CAPSL: variants seen among roughly 807,000 people sequenced by gnomAD.
CAPSL encodes calcyphosin-like protein.
A neutral mutation model predicts 21.3 loss-of-function variants in CAPSL; 17 were observed. That is an observed-to-expected ratio of 0.80 (90% CI 0.55 to 1.20). CAPSL has a LOEUF of 1.20. Ranked by LOEUF, CAPSL falls within the 50% of genes most tolerant of loss-of-function variation. The pLI is 0.00. For synonymous variants in CAPSL, 102 were observed against 89.3 expected (o/e 1.14, Z -0.80); for missense variants, 289 against 259.3 (o/e 1.11, Z -0.79).
intron 4 of CAPSL, among the ~76,000 whole-genome samples, chr5:35,905,685 G>A (rs1031771676): frequency 1.3e-5 from 2 of 152,154 alleles, no homozygotes; most frequent in African/African-American, 4.8e-5. Context: ...GGATTCCTCA[G>A]CCTCTGCTTT....
chr5:35,905,831 G>T (rs1760662001), intron 4 of CAPSL, among the ~76,000 whole-genome samples: 1 of 152,168 alleles, frequency 6.6e-6, no homozygotes, highest in Non-Finnish European at 1.5e-5. Flanking sequence ...GGACAACCTG[G>T]GGTGTCTGTC....
At chr5:35,915,231 C>A (rs767841550) in intron 2 of CAPSL, among the ~76,000 whole-genome samples, 4 of 152,092 alleles carry the variant, frequency 2.6e-5, no homozygotes, top group African/African-American at 9.7e-5. Context: ...GCTTACCAAC[C>A]AAAAACAGTC....
At chr5:35,926,434 C>T (rs1738686154) in intron 1 of CAPSL, among the ~76,000 whole-genome samples, 1 of 151,508 alleles carries the variant, frequency 6.6e-6, no homozygotes, top group Admixed American at 6.6e-5. Flanking sequence ...ATTCCACTGT[C>T]CTCCCGGTGC....
At chr5:35,918,750 A>G (rs1418011556) in intron 2 of CAPSL, among the ~76,000 whole-genome samples, 1 of 152,158 alleles carries the variant, frequency 6.6e-6, no homozygotes, top group East Asian at 1.9e-4. Flanking sequence ...TATCAAAATA[A>G]TGAGAACTTT....
intron 2 of CAPSL, among the ~76,000 whole-genome samples, chr5:35,916,637 G>A (rs1738394442): frequency 6.6e-6 from 1 of 152,182 alleles, no homozygotes; most frequent in African/African-American, 2.4e-5. Flanking sequence ...TTAATAAATG[G>A]TGCTGGGAAA....
At chr5:35,908,002 T>C (rs1320109240) in intron 4 of CAPSL, among the ~76,000 whole-genome samples, 1 of 152,250 alleles carries the variant, frequency 6.6e-6, no homozygotes, top group Admixed American at 6.5e-5. Flanking sequence ...ATTATGTCTA[T>C]TAAATGAGAT....
At position 35,921,107 on chromosome 5, in the gene CAPSL, G is replaced by T. The variant is rs375106222; in HGVS notation, c.14C>A (p.Ala5Glu). The T allele has an allele frequency of 1.1e-5, 17 of 1,613,734 alleles. No homozygotes were observed. The highest frequency in any genetic ancestry group is 4.5e-5 in the East Asian group (2 of 44,850). Residue 5 changes from alanine (A) to glutamate (E), a missense_variant, in exon 2 of 5, where the codon GCG becomes GAG. Coordinates refer to ENST00000651391, the MANE Select transcript of CAPSL (RefSeq NM_001042625.2). MAGT[A>E]RHDREMAIQA... is the part of the protein sequence containing the mutation. The stretch of plus-strand genomic sequence containing the variant: ...GATCGCCATCTCTCGGTCATGGCGC[G>T]CTGTCCCTGCCATCTGAGGGGAAGC...
chr5:35,926,330 G>T (rs772110885), intron 1 of CAPSL, among the ~76,000 whole-genome samples: 1 of 152,188 alleles, frequency 6.6e-6, no homozygotes, highest in East Asian at 1.9e-4. Flanking sequence ...CCCTCCAGTG[G>T]CTGGCAGCAA....
intron 3 of CAPSL, 64 bp downstream of exon 3, chr5:35,910,302 G>T (rs1738180845): frequency 2.0e-6 from 3 of 1,538,384 alleles, no homozygotes; most frequent in Non-Finnish European, 2.7e-6. Context: ...AAACCTCAAG[G>T]TAGCCAACCC....
chr5:35,932,727 A>G (rs1738852507), intron 1 of CAPSL, among the ~76,000 whole-genome samples: 3 of 152,358 alleles, frequency 2.0e-5, no homozygotes, highest in Admixed American at 2.0e-4. Context: ...AACTATGTGG[A>G]GCATGAAGCT....
chr5:35,913,947 C>T (rs1483351913), intron 2 of CAPSL, among the ~76,000 whole-genome samples: 1 of 152,132 alleles, frequency 6.6e-6, no homozygotes, highest in African/African-American at 2.4e-5. Flanking sequence ...CATCAGTGTG[C>T]TGTATTCAGG....
At chr5:35,905,871 C>A (rs559811869) in intron 4 of CAPSL, among the ~76,000 whole-genome samples, 10 of 152,362 alleles carry the variant, frequency 6.6e-5, no homozygotes, top group African/African-American at 2.2e-4. Context: ...CTGTACCCCA[C>A]ACCTGCTAAA....
chr5:35,934,614 CCA>C (rs1198467812), intron 1 of CAPSL, among the ~76,000 whole-genome samples: 9 of 152,184 alleles, frequency 5.9e-5, no homozygotes, highest in Admixed American at 5.9e-4. Flanking sequence ...TTCTGCCAAG[CCA>C]CAGTTTTTCA....
At chr5:35,919,020 T>C (rs1297260320) in intron 2 of CAPSL, among the ~76,000 whole-genome samples, 1 of 151,910 alleles carries the variant, frequency 6.6e-6, no homozygotes, top group Non-Finnish European at 1.5e-5. Flanking sequence ...AGAGTAGTAA[T>C]ACTGTTAAAA....
intron 1 of CAPSL, among the ~76,000 whole-genome samples, chr5:35,927,493 A>G (rs1561443173): frequency 1.3e-5 from 2 of 152,228 alleles, no homozygotes; most frequent in Non-Finnish European, 2.9e-5. Context: ...GCTGTTGATG[A>G]GGCTTGTAGG....
At chr5:35,911,884 A>AC (rs1275326163) in intron 2 of CAPSL, among the ~76,000 whole-genome samples, 7 of 152,132 alleles carry the variant, frequency 4.6e-5, no homozygotes, top group Non-Finnish European at 7.3e-5. Flanking sequence ...GGTGCAGCAC[A>AC]CCAAGCATGA....
chr5:35,913,737 C>A (rs944169972), intron 2 of CAPSL, among the ~76,000 whole-genome samples: 1 of 152,150 alleles, frequency 6.6e-6, no homozygotes, highest in African/African-American at 2.4e-5. Context: ...ACAACCGGTA[C>A]CAGCCACTGC....
chr5:35,935,298 C>T (rs1738916162), intron 1 of CAPSL, among the ~76,000 whole-genome samples: 1 of 152,026 alleles, frequency 6.6e-6, no homozygotes, highest in Admixed American at 6.6e-5. Flanking sequence ...GGCATTCCCT[C>T]CCAACCAAAT....
chr5:35,911,592 A>G (rs1263785012), intron 2 of CAPSL, among the ~76,000 whole-genome samples: 1 of 152,260 alleles, frequency 6.6e-6, no homozygotes, highest in Non-Finnish European at 1.5e-5. Flanking sequence ...AGGAAACATT[A>G]CAAGTAAATG....
Sources: allele counts gnomAD v4.1 joint callset (sites outside exome capture counted in the v4.1 genomes callset), GRCh38; gene constraint gnomAD v4.1.1; transcripts MANE v1.5; gene names NCBI Gene and HGNC (gene_info 2026-07-23, HGNC 2026-07-21).